The following AKAP9 variants were observed in gnomAD, a reference collection of about 807,000 sequenced individuals.
AKAP9 encodes the protein A-kinase anchor protein 9.
A neutral mutation model predicts 488.5 loss-of-function variants in AKAP9; 311 were observed. The observed-to-expected ratio is 0.64, with a 90% CI of 0.58 to 0.70. AKAP9 has a LOEUF of 0.70. Among genes scored for constraint, AKAP9 ranks in the 30% least tolerant of loss-of-function variants. The pLI is 0.00. For synonymous variants in AKAP9, 1,462 were observed against 1,483.5 expected, an observed-to-expected ratio of 0.99 and a Z score of 0.33; for missense variants, 4,215 against 4,374.5, an observed-to-expected ratio of 0.96 and a Z score of 1.03.
intron 1 of AKAP9, 56 bp downstream of exon 1, chr7:91,941,203 T>G (rs1584495914): frequency 6.6e-7 from 1 of 1,526,338 alleles, no homozygotes; most frequent in Non-Finnish European, 9.1e-7. Flanking sequence ...TAGCACGGGG[T>G]GGGAGGGGGC....
intron 1 of AKAP9, among the ~76,000 whole-genome samples, chr7:91,952,832 T>A (rs1018381850): frequency 3.3e-5 from 5 of 152,142 alleles, no homozygotes; most frequent in African/African-American, 1.2e-4. Flanking sequence ...TTTTATATAT[T>A]TTTTAGAGGC....
intron 21 of AKAP9, 146 bp from the exon 22 acceptor site, chr7:92,052,580 T>G: frequency 1.7e-6 from 1 of 582,936 alleles, no homozygotes; most frequent in Non-Finnish European, 3.0e-6. Context: ...ATCCTATATT[T>G]GCATATTTTA....
intron 1 of AKAP9, chr7:91,970,505 A>G (rs1794934165): frequency 2.2e-6 from 1 of 457,108 alleles, no homozygotes; most frequent in Admixed American, 2.4e-5. Flanking sequence ...TTCTTGTCAG[A>G]CAGGTATGTG....
intron 6 of AKAP9, 41 bp from the exon 7 acceptor site, chr7:91,995,562 A>G (rs1020266121): frequency 1.3e-6 from 2 of 1,582,860 alleles, no homozygotes; most frequent in Middle Eastern, 3.3e-4. Flanking sequence ...TAATACAGTC[A>G]CTTCAGAATT....
chr7:92,022,710 A>C, intron 13 of AKAP9, 104 bp from the exon 14 acceptor site: 1 of 805,836 alleles, frequency 1.2e-6, no homozygotes, highest in Non-Finnish European at 2.0e-6. Flanking sequence ...CTAAAAACAT[A>C]CTTTTTCAAA....
At chr7:92,017,971 C>G (rs1453888765) in intron 12 of AKAP9, among the ~76,000 whole-genome samples, 1 of 152,040 alleles carries the variant, frequency 6.6e-6, no homozygotes, top group Non-Finnish European at 1.5e-5. Context: ...TTTAAATATT[C>G]TTTATCATTT....
In AKAP9 at chr7:92,107,676, CCT is replaced by C. The variant is rs543236477; in HGVS notation, c.11546+255_11546+256del. Reference sequence around the variant, plus strand: ...ACTAGCCTGGCCAACATGGTGAAACCCTGTCTCTACTAAAAATACAAAAAATT... The same window carrying C: ...ACTAGCCTGGCCAACATGGTGAAACCGTCTCTACTAAAAATACAAAAAATT... On this transcript the variant is annotated intron_variant, in intron 48 of 49. Transcript: ENST00000356239. The C allele has an allele frequency of 1.3e-4, 47 of 361,856 alleles. 1 individual carries two copies. Among genetic ancestry groups the C allele is most frequent in the African/African-American group, 8.7e-4 (42 of 48,014 alleles). The allele number at this position is 361,856 out of a possible 1,614,324, so 22.4% of individuals were successfully genotyped here.
Position 91,994,653 on chromosome 7 carries a change from A to G in AKAP9, c.609A>G (p.Arg203=). 1.2e-6 allele frequency: 2 copies of G among 1,613,316 alleles called. No individual in the cohort carries two copies. Among genetic ancestry groups the G allele is most frequent in the African/African-American group, 1.3e-5 (1 of 75,050 alleles). Residue 203 remains arginine (R), a synonymous_variant, in exon 6 of 50, where the codon AGA becomes AGG. Transcript: ENST00000356239. ...AATTTGAAGCTGCCATTAAACAAAG[A>G]GATGGCATTATAACCCAGCTCACTG... is the stretch of plus-strand genomic sequence containing the variant. ...LQEFEAAIKQ[R]DGIITQLTAN... is the part of the protein sequence containing the mutation.
intron 45 of AKAP9, 122 bp from the exon 46 acceptor site, chr7:92,102,448 TTACTACTACTACTACTACTACTAC>T (rs11276778): frequency 3.7e-5 from 22 of 594,672 alleles, no homozygotes; most frequent in South Asian, 3.5e-4. Flanking sequence ...CGTTTTACTA[TTACTACTACTACTACTACTACTAC>T]TACTACTACT....
rs1033544238 is a variant in AKAP9 at position 92,002,382 on chromosome 7, T to C, written c.2465T>C (p.Ile822Thr). The change falls in exon 8 of 50, where the codon ATA becomes ACA. Residue 822 changes from isoleucine (I) to threonine (T), a missense_variant. By Grantham distance (89) the Ile-to-Thr change is moderately conservative. This residue lies in a region of AKAP9 where 2,361 missense variants were observed against 2,430.0 expected (regional missense o/e 0.97). Coordinates refer to ENST00000356239, the MANE Select transcript of AKAP9 (RefSeq NM_005751.5). ...AAAGACTCTGTGTGGGAAAAAGAAATAGAAATACTTATAGAGGAAAATGAG... is the reference window on the plus strand; with the variant it reads ...AAAGACTCTGTGTGGGAAAAAGAAACAGAAATACTTATAGAGGAAAATGAG... ...KSKDSVWEKE[I>T]EILIEENEDL... is the part of the protein sequence containing the mutation. 9.3e-6 allele frequency: 15 copies of C among 1,610,968 alleles called. No individual in the cohort carries two copies. The highest frequency in any genetic ancestry group is 4.0e-5 in the African/African-American group (3 of 74,694).
chr7:92,093,429 A>C, intron 39 of AKAP9, 113 bp downstream of exon 39: 1 of 931,202 alleles, frequency 1.1e-6, no homozygotes, highest in South Asian at 1.5e-5. Flanking sequence ...ATAGCATGCA[A>C]CTGTTTTTTT....
In AKAP9 at chr7:91,994,752, A is replaced by G; in HGVS notation, c.708A>G (p.Gln236=). ...REFLELTEQS[Q]KLQIQFQQLQ... ...TTTTAGAGTTGACAGAACAGAGTCA[A>G]AAATTACAGATTCAATTTCAGCAAG... Residue 236 remains glutamine, a synonymous_variant, in exon 6 of 50, where the codon CAA becomes CAG. Coordinates refer to ENST00000356239, the MANE Select transcript of AKAP9 (RefSeq NM_005751.5). 6.2e-7 allele frequency: 1 copy of G among 1,611,728 alleles called. No individual in the cohort carries two copies. The highest frequency in any genetic ancestry group is 2.2e-5 in the East Asian group (1 of 44,724).
chr7:92,015,649 C>T (rs1267549515), intron 10 of AKAP9, among the ~76,000 whole-genome samples: 1 of 152,120 alleles, frequency 6.6e-6, no homozygotes, highest in Non-Finnish European at 1.5e-5. Context: ...CAGGCATGAG[C>T]CACCACGCCT....
intron 3 of AKAP9, among the ~76,000 whole-genome samples, chr7:91,991,544 T>C: frequency 6.6e-6 from 1 of 150,946 alleles, no homozygotes; most frequent in South Asian, 2.1e-4. Flanking sequence ...CGATCTCAGC[T>C]CACTGCAAGT....
intron 21 of AKAP9, among the ~76,000 whole-genome samples, chr7:92,049,773 C>G (rs986724139): frequency 1.3e-5 from 2 of 151,720 alleles, no homozygotes; most frequent in African/African-American, 4.8e-5. Flanking sequence ...AAGAAAATAC[C>G]TTAAGCTAGG....
At chr7:91,953,907 C>T (rs1792607893) in intron 1 of AKAP9, among the ~76,000 whole-genome samples, 1 of 146,810 alleles carries the variant, frequency 6.8e-6, no homozygotes, top group African/African-American at 2.5e-5. Flanking sequence ...TAGTAAAAAC[C>T]ATTATGTGTT....
At chr7:91,999,306 A>G (rs886489580) in intron 7 of AKAP9, among the ~76,000 whole-genome samples, 3 of 152,056 alleles carry the variant, frequency 2.0e-5, no homozygotes, top group Non-Finnish European at 4.4e-5. Context: ...GCTCACTGCA[A>G]CCTCTGCCCT....
At chr7:92,026,706 C>T (rs1803219199) in intron 14 of AKAP9, among the ~76,000 whole-genome samples, 1 of 152,260 alleles carries the variant, frequency 6.6e-6, no homozygotes. Context: ...CAGCCGCCTG[C>T]CTTGGCCTCC....
chr7:92,081,782 A>G (rs540862918), intron 31 of AKAP9, among the ~76,000 whole-genome samples: 22 of 151,924 alleles, frequency 1.4e-4, no homozygotes, highest in Admixed American at 3.9e-4. Context: ...TTTTCCTCCA[A>G]ATTCTCACCT....
Sources: gnomAD v4.1 joint callset for allele counts (sites outside exome capture counted in the v4.1 genomes callset) on GRCh38, gnomAD v4.1.1 for gene constraint, gnomAD v4.1.1 regional missense constraint, MANE v1.5 for transcripts, NCBI Gene and HGNC (gene_info 2026-07-23, HGNC 2026-07-21) for gene names.